The following LRRC8D variants were observed in gnomAD, a reference collection of about 807,000 sequenced individuals.
The protein encoded by LRRC8D is leucine rich repeat containing 8 VRAC subunit D.
Under a neutral mutation model 55.8 loss-of-function variants are expected in LRRC8D, and 20 were observed. The observed-to-expected ratio is 0.36, with a 90% confidence interval of 0.25 to 0.52. The LOEUF (loss-of-function observed/expected upper bound fraction) is 0.52. Among genes scored for constraint, LRRC8D ranks in the 20% least tolerant of loss-of-function variants. The pLI, the probability that LRRC8D is intolerant of heterozygous loss-of-function variation, is 0.93. For synonymous variants in LRRC8D, 352 were observed against 377.0 expected (o/e 0.93, Z 0.77); for missense variants, 651 against 1,030.8 (o/e 0.63, Z 5.05).
At chr1:89,870,346 C>T (rs1042918106) in intron 2 of LRRC8D, among the ~76,000 whole-genome samples, 1 of 151,432 alleles carries the variant, frequency 6.6e-6, no homozygotes, top group Admixed American at 6.6e-5. Flanking sequence ...CGTGGTGGCA[C>T]GTGCCTGTAG....
Position 89,843,584 on chromosome 1 carries a change from GCTGCCGACACTTGGAT to G in LRRC8D, c.-147-51_-147-36del. On this transcript the variant is annotated intron_variant, in intron 1 of 2. Transcript: ENST00000337338. ...CGCCGCCCTGCACTCCTTCCTCCCC[GCTGCCGACACTTGGAT>G]CTCTCTAGCTCTTTCTCTCCCCTGT... 3 of 695,952 alleles carry G rather than the reference GCTGCCGACACTTGGAT, an allele frequency of 4.3e-6. No homozygotes were observed. The South Asian group carries it at 4.5e-5, about 10-fold the overall frequency. 43.1% of individuals were successfully genotyped at this position (695,952 alleles called of 1,614,324 possible). A position where few individuals can be genotyped will look rare whatever the true frequency, so the allele number is the denominator to read the frequency against.
intron 1 of LRRC8D, among the ~76,000 whole-genome samples, chr1:89,823,276 CTG>C (rs1382137136): frequency 1.3e-5 from 2 of 152,124 alleles, no homozygotes; most frequent in Non-Finnish European, 2.9e-5. Flanking sequence ...TTTCTCCCTG[CTG>C]TGTTTTCCAG....
At chr1:89,925,001 T>A (rs924809158) in intron 2 of LRRC8D, among the ~76,000 whole-genome samples, 15 of 152,174 alleles carry the variant, frequency 9.9e-5, no homozygotes, top group African/African-American at 3.6e-4. Flanking sequence ...CCCCAACCCC[T>A]GGGCCACGGA....
chr1:89,917,253 CTAGTTT>C (rs1160046163), intron 2 of LRRC8D, among the ~76,000 whole-genome samples: 3 of 152,172 alleles, frequency 2.0e-5, no homozygotes, highest in Admixed American at 6.5e-5. Context: ...CACTCACAAC[CTAGTTT>C]TAACTACCTA....
At chr1:89,896,910 C>T (rs1662727997) in intron 2 of LRRC8D, among the ~76,000 whole-genome samples, 1 of 152,170 alleles carries the variant, frequency 6.6e-6, no homozygotes, top group Non-Finnish European at 1.5e-5. Flanking sequence ...AGACATTAGG[C>T]TAGACACTTT....
intron 2 of LRRC8D, among the ~76,000 whole-genome samples, chr1:89,853,679 TCAGGTCCTA>T (rs1451120588): frequency 6.6e-6 from 1 of 152,126 alleles, no homozygotes; most frequent in Non-Finnish European, 1.5e-5. Flanking sequence ...GGAAAAGCTG[TCAGGTCCTA>T]TCAGGGCACA....
At chr1:89,884,942 TATC>T (rs1453586169) in intron 2 of LRRC8D, among the ~76,000 whole-genome samples, 5 of 152,198 alleles carry the variant, frequency 3.3e-5, no homozygotes, top group African/African-American at 1.2e-4. Context: ...GTCCCACTGA[TATC>T]ATGCTTGATG....
chr1:89,904,807 A>G (rs981144160), intron 2 of LRRC8D, among the ~76,000 whole-genome samples: 4 of 152,134 alleles, frequency 2.6e-5, no homozygotes, highest in Non-Finnish European at 2.9e-5. Flanking sequence ...CTTTTTGAAC[A>G]GTTTTTTCCC....
chr1:89,920,101 T>C lies in LRRC8D; in HGVS notation c.-2-12966T>C, dbSNP rs570591835. 1.1e-4 allele frequency among the ~76,000 whole-genome samples: 16 copies of C among 152,328 alleles called. 1 individual carries two copies. The highest frequency in any genetic ancestry group is 3.6e-4 in the African/African-American group (15 of 41,582). On this transcript the variant is annotated intron_variant, in intron 2 of 2. Coordinates refer to ENST00000337338, the MANE Select transcript of LRRC8D (RefSeq NM_001134479.2). ...TAAGCCCTCAAATGTGGGCCTTGAC[T>C]TTTAGAATTGAGAGCTAGAAGTAAA...
intron 2 of LRRC8D, among the ~76,000 whole-genome samples, chr1:89,870,881 C>T (rs1032653898): frequency 6.6e-6 from 1 of 152,204 alleles, no homozygotes; most frequent in Non-Finnish European, 1.5e-5. Flanking sequence ...TTTAAGCTAA[C>T]TAATAGCATT....
intron 1 of LRRC8D, chr1:89,843,319 A>G (rs1196365016): frequency 1.4e-5 from 3 of 211,284 alleles, no homozygotes; most frequent in Non-Finnish European, 2.8e-5. Flanking sequence ...CGTGGAGTCC[A>G]TTGATCTAGG....
At chr1:89,863,803 C>T (rs1051567109) in intron 2 of LRRC8D, among the ~76,000 whole-genome samples, 12 of 152,080 alleles carry the variant, frequency 7.9e-5, no homozygotes, top group African/African-American at 2.2e-4. Flanking sequence ...TGCTTTGTTC[C>T]GGTTTTTAAG....
At chr1:89,840,181 T>G (rs1007543518) in intron 1 of LRRC8D, among the ~76,000 whole-genome samples, 6 of 152,136 alleles carry the variant, frequency 3.9e-5, no homozygotes, top group Admixed American at 3.9e-4. Context: ...TTTATGAGGT[T>G]GTGATTTTAA....
At chr1:89,852,473 C>T (rs1372664599) in intron 2 of LRRC8D, among the ~76,000 whole-genome samples, 1 of 152,160 alleles carries the variant, frequency 6.6e-6, no homozygotes, top group African/African-American at 2.4e-5. Context: ...CCCGCCCCTC[C>T]GTCATCCCCA....
chr1:89,900,618 T>A (rs1166318298), intron 2 of LRRC8D, among the ~76,000 whole-genome samples: 2 of 152,142 alleles, frequency 1.3e-5, no homozygotes, highest in African/African-American at 4.8e-5. Flanking sequence ...ACTGGAAGTA[T>A]CTCTCAGAGA....
chr1:89,887,811 C>T (rs946570399), intron 2 of LRRC8D, among the ~76,000 whole-genome samples: 3 of 152,178 alleles, frequency 2.0e-5, no homozygotes, highest in Admixed American at 6.5e-5. Context: ...AGCCCTATGG[C>T]ATGGCATTCT....
Position 89,935,820 on chromosome 1 carries a change from G to A in LRRC8D, c.*175G>A, listed in dbSNP as rs1029418113. 2 of 538,728 alleles carry A rather than the reference G, an allele frequency of 3.7e-6. No individual in the cohort carries two copies. The highest frequency in any genetic ancestry group is 3.7e-5 in the Admixed American group (1 of 26,780). The allele number at this position is 538,728 out of a possible 1,614,324, so 33.4% of individuals were successfully genotyped here. A position where few individuals can be genotyped will look rare whatever the true frequency, so the allele number is the denominator to read the frequency against. ...ATAACTGAATGTTCAATGTTTGTAG[G>A]GTTTTAAGTCATTCATTTCCAAATC... On this transcript the variant is annotated 3_prime_UTR_variant, in exon 3 of 3. Transcript: ENST00000337338.
At chr1:89,850,638 C>A (rs548798294) in intron 2 of LRRC8D, among the ~76,000 whole-genome samples, 9 of 152,256 alleles carry the variant, frequency 5.9e-5, no homozygotes, top group Admixed American at 2.0e-4. Context: ...TCTTTTTTAT[C>A]AAGGAATACT....
At position 89,843,835 on chromosome 1, in the gene LRRC8D, G is replaced by T. The variant is rs964456536; in HGVS notation, c.-3+53G>T. ...GAGCGGGTCGGGAAGTCTGCGGCACGGAGCACTGCTAGTGTCGGATCTGCA... is the reference window on the plus strand; with the variant it reads ...GAGCGGGTCGGGAAGTCTGCGGCACTGAGCACTGCTAGTGTCGGATCTGCA... On this transcript the variant is annotated intron_variant, in intron 2 of 2. Transcript: ENST00000337338. 6.5e-6 allele frequency: 4 copies of T among 616,046 alleles called. No individual in the cohort carries two copies. The Admixed American group carries it at 7.1e-5, about 11-fold the overall frequency. The allele number at this position is 616,046 out of a possible 1,614,324, so 38.2% of individuals were successfully genotyped here.
Sources: gnomAD v4.1 joint callset for allele counts (sites outside exome capture counted in the v4.1 genomes callset) on GRCh38, gnomAD v4.1.1 for gene constraint, MANE v1.5 for transcripts, NCBI Gene and HGNC (gene_info 2026-07-23, HGNC 2026-07-21) for gene names.